Variants in CCDC66 observed in about 807,000 individuals in gnomAD.
The protein encoded by CCDC66 is coiled-coil domain-containing protein 66.
Under a neutral mutation model 128.3 loss-of-function variants are expected in CCDC66, and 133 were observed. The ratio of observed to expected loss-of-function variants is 1.04; its 90% CI spans 0.90 to 1.20. CCDC66 has a LOEUF of 1.20. Ranked by LOEUF, CCDC66 falls within the 50% of genes most tolerant of loss-of-function variation. CCDC66 has a pLI of 0.00. For missense variants in CCDC66, 1,126 were observed against 1,075.5 expected, an observed-to-expected ratio of 1.05 and a Z score of -0.66; for synonymous variants, 387 against 357.0, an observed-to-expected ratio of 1.08 and a Z score of -0.95.
At chr3:56,596,202 A>T (rs993270183) in intron 10 of CCDC66, among the ~76,000 whole-genome samples, 3 of 152,158 alleles carry the variant, frequency 2.0e-5, no homozygotes, top group Non-Finnish European at 2.9e-5. Flanking sequence ...TACAGGCATG[A>T]GCCACCGGGC....
chr3:56,593,537 G>C lies in CCDC66; in HGVS notation c.1115G>C (p.Ser372Thr). 6.2e-7 allele frequency: 1 copy of C among 1,614,170 alleles called. No homozygotes were observed. Among genetic ancestry groups the C allele is most frequent in the Non-Finnish European group, 8.5e-7 (1 of 1,179,990 alleles). ...RWAMHFDSLK[S>T]YPGSQSQLFS... ...GCAATGCACTTTGATTCATTAAAGAGTTATCCTGGTTCTCAATCTCAGCTG... is the reference window on the plus strand; with the variant it reads ...GCAATGCACTTTGATTCATTAAAGACTTATCCTGGTTCTCAATCTCAGCTG... Residue 372 changes from serine (S) to threonine (T), a missense_variant, in exon 9 of 18, where the codon AGT (serine) becomes ACT (threonine). By Grantham distance (58) the Ser-to-Thr change is moderately conservative. Coordinates refer to ENST00000394672, the MANE Select transcript of CCDC66 (RefSeq NM_001141947.3).
chr3:56,579,371 T>C (rs1486169922), intron 7 of CCDC66, among the ~76,000 whole-genome samples: 2 of 151,882 alleles, frequency 1.3e-5, no homozygotes, highest in African/African-American at 4.8e-5. Flanking sequence ...CCTGGATTCA[T>C]TGATTTTTTT....
intron 1 of CCDC66, 146 bp downstream of exon 1, chr3:56,557,399 C>G (rs1356177153): frequency 1.1e-5 from 12 of 1,106,208 alleles, no homozygotes; most frequent in Non-Finnish European, 1.5e-5. Flanking sequence ...GCCCAGTTCT[C>G]GGGTAGAAGA....
intron 10 of CCDC66, among the ~76,000 whole-genome samples, chr3:56,610,260 T>C (rs146028730): frequency 0.017 from 2,522 of 152,306 alleles, 40 homozygotes; most frequent in Non-Finnish European, 0.022. Flanking sequence ...TTCTACTTGT[T>C]CAATTCTATT....
chr3:56,619,065 G>C, intron 15 of CCDC66: 1 of 451,080 alleles, frequency 2.2e-6, no homozygotes, highest in South Asian at 3.4e-5. Context: ...TAAAAATACA[G>C]AAACTAGCTG....
At chr3:56,591,280 GT>G (rs1323712012) in intron 7 of CCDC66, among the ~76,000 whole-genome samples, 2 of 152,208 alleles carry the variant, frequency 1.3e-5, no homozygotes, top group African/African-American at 4.8e-5. Flanking sequence ...CATTTTGAGT[GT>G]TTAAGGAATT....
rs897406938 is a variant in CCDC66 at position 56,617,667 on chromosome 3, T to C, written c.2337+62T>C. ...TCTGGATTCAAAACACAGTTTCTCA[T>C]ACGTATGCTTTGGTAAGGCTGTTCT... On this transcript the variant is annotated intron_variant, in intron 14 of 17. Coordinates refer to ENST00000394672, the MANE Select transcript of CCDC66 (RefSeq NM_001141947.3). 2.0e-6 allele frequency: 3 copies of C among 1,528,164 alleles called. No homozygotes were observed. The African/African-American group carries it at 4.2e-5, about 21-fold the overall frequency. The allele number at this position is 1,528,164 out of a possible 1,614,324, so 94.7% of individuals were successfully genotyped here.
chr3:56,560,922 C>T, intron 3 of CCDC66: 2 of 456,630 alleles, frequency 4.4e-6, no homozygotes, highest in Non-Finnish European at 4.4e-6. Flanking sequence ...ACCACTTTAT[C>T]CTTCAACTCT....
intron 7 of CCDC66, among the ~76,000 whole-genome samples, chr3:56,578,390 T>A (rs1201121358): frequency 6.6e-6 from 1 of 151,846 alleles, no homozygotes; most frequent in Non-Finnish European, 1.5e-5. Context: ...CCTATTTGAA[T>A]ACCCTTTATT....
rs779036677 is a variant in CCDC66 at position 56,621,511 on chromosome 3, CAT to C, written c.2761-16_2761-15del. 6.0e-6 allele frequency: 9 copies of C among 1,508,500 alleles called. No homozygotes were observed. The South Asian group carries it at 8.5e-5, about 14-fold the overall frequency. The allele number at this position is 1,508,500 out of a possible 1,614,324, so 93.4% of individuals were successfully genotyped here. On this transcript the variant is annotated intron_variant, in intron 17 of 17. Coordinates refer to ENST00000394672, the MANE Select transcript of CCDC66 (RefSeq NM_001141947.3). The stretch of plus-strand genomic sequence containing the variant: ...CAGGTGTGCACATTTTACTAACAAA[CAT>C]ATATCAATGTGATTTCAGGGCCTTC...
At chr3:56,616,866 AGTG>A (rs2075583183) in intron 13 of CCDC66, 2 of 370,972 alleles carry the variant, frequency 5.4e-6, no homozygotes, top group East Asian at 8.6e-5. Flanking sequence ...TTTCCCCCCC[AGTG>A]ACTGATGATG....
At chr3:56,616,442 TTC>T (rs2075518613) in intron 13 of CCDC66, 1 of 194,998 alleles carries the variant, frequency 5.1e-6, no homozygotes, top group South Asian at 8.7e-5. Flanking sequence ...CTTCTCTGGC[TTC>T]TTTCTCTCTT....
In CCDC66 at chr3:56,619,299, A is replaced by G. The variant is rs769468645; in HGVS notation, c.2407A>G (p.Lys803Glu). 2.5e-5 allele frequency: 40 copies of G among 1,610,528 alleles called. No homozygotes were observed. In the East Asian group the frequency reaches 8.9e-4, roughly 36 times the overall value. The change falls in exon 16 of 18, where the codon AAA becomes GAA. Residue 803 changes from lysine to glutamate, a missense_variant. Physicochemically the swap from Lys to Glu is moderately conservative, Grantham distance 56. Coordinates refer to ENST00000394672, the MANE Select transcript of CCDC66 (RefSeq NM_001141947.3). The stretch of plus-strand genomic sequence containing the variant: ...TCCATCATCACCAGTTCCAGTAGTG[A>G]AAAACAGAACCCAACAAACTCAAAA... Reference protein sequence around the residue: ...RSPSSPVPVVKNRTQQTQNTL... With the variant: ...RSPSSPVPVVENRTQQTQNTL...
At chr3:56,611,322 G>A (rs912781371) in intron 10 of CCDC66, among the ~76,000 whole-genome samples, 5 of 151,882 alleles carry the variant, frequency 3.3e-5, no homozygotes, top group Non-Finnish European at 5.9e-5. Context: ...TGCCTGTGCT[G>A]AGTCATGCAG....
chr3:56,615,298 T>C, intron 12 of CCDC66, 26 bp downstream of exon 12: 1 of 1,547,200 alleles, frequency 6.5e-7, no homozygotes, highest in Non-Finnish European at 8.8e-7. Context: ...GAACTTTATT[T>C]ATAATATTTT....
At position 56,619,263 on chromosome 3, in the gene CCDC66, T is replaced by G. The variant is rs2076018296; in HGVS notation, c.2379-8T>G. On this transcript the variant is annotated splice_region_variant and splice_polypyrimidine_tract_variant and intron_variant, in intron 15 of 17. Transcript: ENST00000394672. ...TACACAATTTTTTACTATTTTTTTT[T>G]TAAATAGGTCTCCATCATCACCAGT... The G allele has an allele frequency of 1.3e-6, 2 of 1,556,052 alleles. No homozygotes were observed. The highest frequency in any genetic ancestry group is 4.2e-5 in the Admixed American group (2 of 47,190).
intron 7 of CCDC66, among the ~76,000 whole-genome samples, chr3:56,590,989 C>T (rs2070785730): frequency 6.6e-6 from 1 of 152,130 alleles, no homozygotes. Flanking sequence ...CCTTACTCAC[C>T]TTCAACTAAA....
At chr3:56,589,836 A>G (rs1211862996) in intron 7 of CCDC66, among the ~76,000 whole-genome samples, 1 of 152,188 alleles carries the variant, frequency 6.6e-6, no homozygotes, top group Non-Finnish European at 1.5e-5. Flanking sequence ...AATTTTTTTA[A>G]TTGGCAGAAT....
Position 56,559,032 on chromosome 3 carries a change from G to GT in CCDC66, c.76+125dup, listed in dbSNP as rs962493979. 5 of 725,364 alleles carry GT rather than the reference G, an allele frequency of 6.9e-6. No individual in the cohort carries two copies. The African/African-American group carries it at 8.9e-5, about 13-fold the overall frequency. The allele number at this position is 725,364 out of a possible 1,614,324, so 44.9% of individuals were successfully genotyped here. A position where few individuals can be genotyped will look rare whatever the true frequency, so the allele number is the denominator to read the frequency against. On this transcript the variant is annotated intron_variant, in intron 2 of 17. Coordinates refer to ENST00000394672, the MANE Select transcript of CCDC66 (RefSeq NM_001141947.3). ...TTTAAATGATATTTTAGAAAAAGCTGTTTCCTCAAACTTCTGCAGATTTCC... is the reference window on the plus strand; with the variant it reads ...TTTAAATGATATTTTAGAAAAAGCTGTTTTCCTCAAACTTCTGCAGATTTCC...
Sources: allele counts gnomAD v4.1 joint callset (sites outside exome capture counted in the v4.1 genomes callset), GRCh38; gene constraint gnomAD v4.1.1; transcripts MANE v1.5; gene names NCBI Gene and HGNC (gene_info 2026-07-23, HGNC 2026-07-21).